The following ZNF718 variants were observed in gnomAD, a reference collection of about 807,000 sequenced individuals.
ZNF718 encodes the protein zinc finger protein 718.
ZNF718 carries 3 observed loss-of-function variants against 2.6 expected under a neutral mutation model. The ratio of observed to expected loss-of-function variants is 1.16; its 90% CI spans 0.53 to 3.01. ZNF718 has a LOEUF of 3.01. Ranked by LOEUF, ZNF718 falls within the 30% of genes most tolerant of loss-of-function variation. The pLI, the probability that ZNF718 is intolerant of heterozygous loss-of-function variation, is 0.03. For synonymous variants in ZNF718, 135 were observed against 77.9 expected (o/e 1.73, Z -3.86); for missense variants, 468 against 230.0 (o/e 2.03, Z -6.69).
Position 161,638 on chromosome 4 carries a change from A to G in ZNF718, c.953A>G (p.Asn318Ser), listed in dbSNP as rs1173877715. 1.2e-5 allele frequency: 9 copies of G among 780,046 alleles called. No homozygotes were observed. The highest frequency in any genetic ancestry group is 3.4e-5 in the African/African-American group (2 of 59,134). 48.3% of individuals were successfully genotyped at this position (780,046 alleles called of 1,614,324 possible). A position where few individuals can be genotyped will look rare whatever the true frequency, so the allele number is the denominator to read the frequency against. Residue 318 changes from asparagine to serine, a missense_variant, in exon 4 of 4, where the codon AAT becomes AGT. Physicochemically the swap from Asn to Ser is conservative, Grantham distance 46. Transcript: ENST00000510175. ...CCCTTCTCATGCGAAGAATGTGGCA[A>G]TGTCTTTACCACATCCTCAGACTTT... ...EKPFSCEECG[N>S]VFTTSSDFAK...
chr4:169,159 G>A (rs1717164465), downstream of ZNF718, among the ~76,000 whole-genome samples: 2 of 152,254 alleles, frequency 1.3e-5, no homozygotes, highest in African/African-American at 4.8e-5. Flanking sequence ...GTAGTTGAGT[G>A]GTTTTGAGTA....
Position 196,022 on chromosome 4 carries a change from TCTCTCTCTCC to T in ZNF718, c.227-5042_227-5033del, listed in dbSNP as rs1186013322. Among the ~76,000 whole-genome samples, 9 of 151,896 alleles carry T rather than the reference TCTCTCTCTCC, an allele frequency of 5.9e-5. No homozygotes were observed. In the South Asian group the frequency reaches 1.5e-3, roughly 25 times the overall value. On this transcript the variant is annotated intron_variant and NMD_transcript_variant, in intron 3 of 4. Coordinates refer to the ZNF718 transcript ENST00000642529. ...TTCTCTTTCCTCTCTCTCTCTCCCC[TCTCTCTCTCC>T]CTCTCTCTCCCTCTCTTTTTCCTCT...
At chr4:186,383 T>C in intron 3 of ZNF718, among the ~76,000 whole-genome samples, 1 of 152,158 alleles carries the variant, frequency 6.6e-6, no homozygotes, top group Admixed American at 6.5e-5. Context: ...TGTTTGTAGG[T>C]GGCCTGACCA....
At position 162,632 on chromosome 4, in the gene ZNF718, C is replaced by G. The variant is rs1716945829; in HGVS notation, c.*510C>G. On this transcript the variant is annotated 3_prime_UTR_variant, in exon 4 of 4. Coordinates refer to ENST00000510175, the MANE Select transcript of ZNF718 (RefSeq NM_001039127.6). ...AGAAATAGTAAGAGGGTTGTAGTACCTGTACTTGCATCATGGGTCTTATTG... is the reference window on the plus strand; with the variant it reads ...AGAAATAGTAAGAGGGTTGTAGTACGTGTACTTGCATCATGGGTCTTATTG... The G allele has an allele frequency of 6.6e-6, 1 of 152,542 alleles. No individual in the cohort carries two copies. 9.4% of individuals were successfully genotyped at this position (152,542 alleles called of 1,614,324 possible).
At chr4:154,176 G>A (rs957168537) in intron 3 of ZNF718, among the ~76,000 whole-genome samples, 2 of 152,120 alleles carry the variant, frequency 1.3e-5, no homozygotes, top group Non-Finnish European at 2.9e-5. Context: ...CCATGATTTT[G>A]AGGCCTCCCC....
At chr4:184,399 G>A (rs1488375751) in intron 3 of ZNF718, among the ~76,000 whole-genome samples, 1 of 152,072 alleles carries the variant, frequency 6.6e-6, no homozygotes, top group African/African-American at 2.4e-5. Flanking sequence ...GGGCTGCTGG[G>A]TTGAGTTTGC....
chr4:124,501 G>C lies in ZNF718; in HGVS notation c.-170G>C, dbSNP rs537353963. 5.5e-5 allele frequency: 48 copies of C among 869,660 alleles called. No homozygotes were observed. The highest frequency in any genetic ancestry group is 8.9e-5 in the Non-Finnish European group (48 of 539,710). 53.9% of individuals were successfully genotyped at this position (869,660 alleles called of 1,614,324 possible). On this transcript the variant is annotated 5_prime_UTR_variant, in exon 1 of 4. Coordinates refer to ENST00000510175, the MANE Select transcript of ZNF718 (RefSeq NM_001039127.6). ...GGGTGCGGCATCCGGGATCTGGCGC[G>C]GCTTTTGCTTGTAGCTCCAGCCAGA...
At chr4:197,062 C>G (rs1189597684) in intron 3 of ZNF718, among the ~76,000 whole-genome samples, 1 of 148,164 alleles carries the variant, frequency 6.7e-6, no homozygotes, top group Non-Finnish European at 1.5e-5. Flanking sequence ...AGAACAAAGA[C>G]CTGCCCATAA....
intron 3 of ZNF718, among the ~76,000 whole-genome samples, chr4:157,103 C>CTTTTTTTTTTTTTTTTTTTTT (rs199814257): frequency 1.6e-4 from 16 of 103,142 alleles, no homozygotes; most frequent in Non-Finnish European, 2.5e-4. Flanking sequence ...TTCTTTCTTT[C>CTTTTTTTTTTTTTTTTTTTTT]TTTTTTTTTT....
At chr4:135,641 G>A (rs80277263) in intron 3 of ZNF718, among the ~76,000 whole-genome samples, 1,923 of 141,408 alleles carry the variant, frequency 0.014, 47 homozygotes, top group African/African-American at 0.047. Flanking sequence ...GGGGCCCCAA[G>A]AGTTCCAAGA....
chr4:149,344 A>G (rs1716213767), intron 3 of ZNF718, among the ~76,000 whole-genome samples: 1 of 152,214 alleles, frequency 6.6e-6, no homozygotes, highest in African/African-American at 2.4e-5. Flanking sequence ...GCTCTTCAAT[A>G]AGAACATAGT....
intron 3 of ZNF718, among the ~76,000 whole-genome samples, chr4:188,958 G>A (rs1486852387): frequency 8.4e-6 from 1 of 119,284 alleles, no homozygotes; most frequent in African/African-American, 2.9e-5. Context: ...ATGTGTGTTT[G>A]ATTTTTTTTT....
At chr4:128,291 GT>G (rs1417880956) in intron 1 of ZNF718, among the ~76,000 whole-genome samples, 1 of 103,812 alleles carries the variant, frequency 9.6e-6, no homozygotes, top group Non-Finnish European at 2.1e-5. Flanking sequence ...GGCCCTTTGA[GT>G]TTTCCAGATC....
At chr4:191,198 G>T (rs372234560) in intron 3 of ZNF718, among the ~76,000 whole-genome samples, 179 of 144,548 alleles carry the variant, frequency 1.2e-3, no homozygotes, top group African/African-American at 4.1e-3. Context: ...CCCCAGGCTG[G>T]AGTGCGGTGG....
At chr4:180,234 T>C (rs1301359254) in intron 3 of ZNF718, among the ~76,000 whole-genome samples, 1 of 152,228 alleles carries the variant, frequency 6.6e-6, no homozygotes, top group Non-Finnish European at 1.5e-5. Context: ...CTACACTTTT[T>C]TTGTCAGCTG....
chr4:157,097 T>G (rs1029483963), intron 3 of ZNF718, among the ~76,000 whole-genome samples: 4 of 96,294 alleles, frequency 4.2e-5, no homozygotes, highest in African/African-American at 1.6e-4. Context: ...GTTTCTTTCT[T>G]TCTTTCTTTT....
chr4:195,644 C>T (rs1717775974), intron 3 of ZNF718, among the ~76,000 whole-genome samples: 1 of 151,488 alleles, frequency 6.6e-6, no homozygotes, highest in South Asian at 2.1e-4. Flanking sequence ...AATGAGGTTT[C>T]CTCTAAAAGT....
chr4:201,920 A>C (rs6599313), exon 5 of ZNF718: 89,100 of 185,740 alleles, frequency 0.48, 21,644 homozygotes, highest in South Asian at 0.58. Flanking sequence ...TCATCCTGTT[A>C]AATCTGTGGA....
chr4:189,203 G>A (rs1328404688), intron 3 of ZNF718, among the ~76,000 whole-genome samples: 3 of 151,624 alleles, frequency 2.0e-5, no homozygotes, highest in Admixed American at 2.0e-4. Context: ...TGGGATTACA[G>A]GCATGTGCTA....
Sources: allele counts gnomAD v4.1 joint callset (sites outside exome capture counted in the v4.1 genomes callset), GRCh38; gene constraint gnomAD v4.1.1; transcripts MANE v1.5; gene names NCBI Gene and HGNC (gene_info 2026-07-23, HGNC 2026-07-21).